The following OXR1 variants were observed in gnomAD, a reference collection of about 807,000 sequenced individuals.
OXR1 encodes oxidation resistance 1, also known as oxidation resistance protein 1.
OXR1 carries 41 observed loss-of-function variants against 104.6 expected under a neutral mutation model. That is an observed-to-expected ratio of 0.39 (90% CI 0.31 to 0.51). OXR1 has a LOEUF of 0.51. Ranked by LOEUF, OXR1 falls within the 20% of genes least tolerant of loss-of-function variation. OXR1 has a pLI of 0.77. For missense variants in OXR1, 955 were observed against 1,031.9 expected (o/e 0.93, Z 1.02); for synonymous variants, 348 against 348.4 (o/e 1.00, Z 0.01).
In OXR1 at chr8:106,743,822, C is replaced by T. The variant is rs111917699; in HGVS notation, c.2412+1505C>T. Among the ~76,000 whole-genome samples, 1,456 of 152,286 alleles carry T rather than the reference C, an allele frequency of 9.6e-3. 26 individuals are homozygous for T. The highest frequency in any genetic ancestry group is 0.033 in the African/African-American group (1,361 of 41,556). ...CACAAATGTTCATTGTAGCACTATT[C>T]ACAATAGCAAAGACATGGAATCAAC... On this transcript the variant is annotated intron_variant, in intron 15 of 16. Transcript: ENST00000517566.
At chr8:106,692,276 C>T (rs556710879) in intron 6 of OXR1, among the ~76,000 whole-genome samples, 11 of 152,014 alleles carry the variant, frequency 7.2e-5, no homozygotes, top group Admixed American at 2.0e-4. Context: ...CTGCTGTATG[C>T]TTAGGTACTA....
intron 1 of OXR1, among the ~76,000 whole-genome samples, chr8:106,332,266 T>A (rs1184060516): frequency 6.6e-6 from 1 of 152,128 alleles, no homozygotes; most frequent in African/African-American, 2.4e-5. Context: ...ATAATCTGCC[T>A]TTGCCATGTT....
At chr8:106,731,235 TG>T (rs1261203974) in intron 11 of OXR1, among the ~76,000 whole-genome samples, 2 of 152,200 alleles carry the variant, frequency 1.3e-5, no homozygotes, top group Admixed American at 6.5e-5. Context: ...CTTACTGTTA[TG>T]TTTTACATAA....
chr8:106,463,796 A>G lies in OXR1; in HGVS notation c.24-55147A>G, dbSNP rs897878205. 1.3e-5 allele frequency among the ~76,000 whole-genome samples: 2 copies of G among 152,268 alleles called. 1 individual carries two copies. The highest frequency in any genetic ancestry group is 1.3e-4 in the Admixed American group (2 of 15,270). ...ATATTGTTACTCATATAAAGTGCTT[A>G]GGACAACACTGGCATTTAGGAAGAG... On this transcript the variant is annotated intron_variant, in intron 2 of 16. Transcript: ENST00000517566.
At chr8:106,621,311 C>T (rs1821678613) in intron 3 of OXR1, among the ~76,000 whole-genome samples, 1 of 152,006 alleles carries the variant, frequency 6.6e-6, no homozygotes, top group Non-Finnish European at 1.5e-5. Flanking sequence ...ACTAACTGGG[C>T]GTGGTTGTGC....
At chr8:106,685,557 G>A (rs1403140656) in intron 6 of OXR1, among the ~76,000 whole-genome samples, 1 of 152,136 alleles carries the variant, frequency 6.6e-6, no homozygotes. Context: ...TTTGCCATTT[G>A]ACTGAAAGAG....
At chr8:106,271,471 C>A (rs1049391595) in intron 1 of OXR1, among the ~76,000 whole-genome samples, 1 of 151,986 alleles carries the variant, frequency 6.6e-6, no homozygotes, top group African/African-American at 2.4e-5. Flanking sequence ...CGTGGTCTGG[C>A]CCCAGAGGTG....
chr8:106,729,593 G>A (rs577643138), intron 11 of OXR1, among the ~76,000 whole-genome samples: 146 of 152,104 alleles, frequency 9.6e-4, no homozygotes, highest in Middle Eastern at 6.9e-3. Flanking sequence ...ATAGTCATAA[G>A]ACATTTATTA....
intron 2 of OXR1, among the ~76,000 whole-genome samples, chr8:106,496,135 A>G (rs961606413): frequency 5.9e-5 from 9 of 152,194 alleles, no homozygotes; most frequent in African/African-American, 1.9e-4. Context: ...CATCACTTTG[A>G]GGCAGTGCAT....
intron 15 of OXR1, among the ~76,000 whole-genome samples, chr8:106,742,746 T>C (rs1457725794): frequency 6.6e-6 from 1 of 152,198 alleles, no homozygotes. Flanking sequence ...GCTAGCTATG[T>C]GCAGAAAATT....
chr8:106,529,877 A>G (rs1813963937), intron 3 of OXR1, among the ~76,000 whole-genome samples: 1 of 152,234 alleles, frequency 6.6e-6, no homozygotes, highest in Admixed American at 6.5e-5. Context: ...TACTGGTTTA[A>G]TTTATGGAAT....
At chr8:106,610,972 G>C (rs981431037) in intron 3 of OXR1, among the ~76,000 whole-genome samples, 5 of 152,090 alleles carry the variant, frequency 3.3e-5, no homozygotes, top group Admixed American at 1.3e-4. Flanking sequence ...TTTATTTATT[G>C]ATCTCCTACA....
At chr8:106,726,133 T>G in intron 11 of OXR1, 1 of 1,420,016 alleles carries the variant, frequency 7.0e-7, no homozygotes, top group Non-Finnish European at 9.1e-7. Flanking sequence ...CAAACTGTTT[T>G]GTCACTGTAG....
chr8:106,750,682 A>G, intron 16 of OXR1, 124 bp from the exon 17 acceptor site: 1 of 661,106 alleles, frequency 1.5e-6, no homozygotes, highest in Non-Finnish European at 2.5e-6. Context: ...GTCAGTGTGG[A>G]AAGGAGTAGG....
chr8:106,697,572 A>T, intron 7 of OXR1: 1 of 1,610,666 alleles, frequency 6.2e-7, no homozygotes, highest in Admixed American at 1.7e-5. Flanking sequence ...ACCAGTTGGG[A>T]TCCCCAGAGA....
intron 2 of OXR1, among the ~76,000 whole-genome samples, chr8:106,414,180 C>G (rs867430378): frequency 7.2e-5 from 11 of 152,078 alleles, no homozygotes; most frequent in Non-Finnish European, 1.2e-4. Flanking sequence ...TTATTTGGGA[C>G]TTTATTTCAT....
intron 9 of OXR1, among the ~76,000 whole-genome samples, chr8:106,710,116 G>C (rs572217792): frequency 6.6e-6 from 1 of 152,046 alleles, no homozygotes; most frequent in South Asian, 2.1e-4. Flanking sequence ...GTCCAAACAG[G>C]TGGCAGAATC....
At chr8:106,554,646 T>C (rs1816124689) in intron 3 of OXR1, among the ~76,000 whole-genome samples, 1 of 152,192 alleles carries the variant, frequency 6.6e-6, no homozygotes, top group East Asian at 1.9e-4. Flanking sequence ...CAATTATTTT[T>C]AAATAGAAAC....
intron 3 of OXR1, among the ~76,000 whole-genome samples, chr8:106,607,793 C>CTTTCTT (rs201227161): frequency 1.7e-4 from 26 of 151,806 alleles, no homozygotes; most frequent in Non-Finnish European, 2.5e-4. Context: ...GTTATTTCCT[C>CTTTCTT]TTTCTTTTTC....
Sources: allele counts gnomAD v4.1 joint callset (sites outside exome capture counted in the v4.1 genomes callset), GRCh38; gene constraint gnomAD v4.1.1; transcripts MANE v1.5; gene names NCBI Gene and HGNC (gene_info 2026-07-23, HGNC 2026-07-21).